BTAF1: variants seen among roughly 807,000 people sequenced by gnomAD.
BTAF1 encodes the protein TATA-binding protein-associated factor 172.
Under a neutral mutation model 227.1 loss-of-function variants are expected in BTAF1, and 38 were observed. That is an observed-to-expected ratio of 0.17 (90% CI 0.13 to 0.22). BTAF1 has a LOEUF of 0.22. BTAF1 is among the 10% of genes least tolerant of loss of function. The pLI is 1.00. For synonymous variants in BTAF1, 742 were observed against 751.9 expected, an observed-to-expected ratio of 0.99 and a Z score of 0.21; for missense variants, 1,598 against 2,204.0, an observed-to-expected ratio of 0.73 and a Z score of 5.51.
intron 33 of BTAF1, 35 bp downstream of exon 33, chr10:92,016,500 A>C (rs77363627): frequency 6.8e-7 from 1 of 1,467,910 alleles, no homozygotes; most frequent in South Asian, 1.4e-5. Context: ...TTTTTTTGAG[A>C]TGGAATTTCA....
chr10:92,024,735 T>TTTTTG (rs774391498), intron 34 of BTAF1, 21 bp from the exon 35 acceptor site: 556 of 1,563,228 alleles, frequency 3.6e-4, no homozygotes, highest in Admixed American at 4.5e-4. Context: ...TTATGTAGTT[T>TTTTTG]TTTTTTTTTT....
At chr10:91,968,106 G>A (rs1191019687) in intron 14 of BTAF1, among the ~76,000 whole-genome samples, 1 of 151,942 alleles carries the variant, frequency 6.6e-6, no homozygotes, top group Non-Finnish European at 1.5e-5. Context: ...TGTACATATT[G>A]TACATTTACA....
intron 14 of BTAF1, among the ~76,000 whole-genome samples, chr10:91,972,838 T>C (rs1285361508): frequency 6.6e-6 from 1 of 152,230 alleles, no homozygotes; most frequent in Admixed American, 6.5e-5. Flanking sequence ...TTATCCCACT[T>C]AATGTGCCTA....
At chr10:91,938,775 G>A (rs963703341) in intron 2 of BTAF1, among the ~76,000 whole-genome samples, 2 of 152,138 alleles carry the variant, frequency 1.3e-5, no homozygotes, top group Admixed American at 6.6e-5. Flanking sequence ...CTGAGGGCAG[G>A]AGTTTGAGGC....
intron 33 of BTAF1, among the ~76,000 whole-genome samples, chr10:92,017,047 A>G (rs542157422): frequency 1.3e-5 from 2 of 152,344 alleles, no homozygotes; most frequent in East Asian, 3.9e-4. Flanking sequence ...CACCTACTAC[A>G]TGGCAGTAAT....
At chr10:91,981,111 G>T (rs1419198426) in intron 15 of BTAF1, among the ~76,000 whole-genome samples, 1 of 152,062 alleles carries the variant, frequency 6.6e-6, no homozygotes, top group African/African-American at 2.4e-5. Context: ...AACAACCTTG[G>T]ATTAACAGTG....
Position 92,027,268 on chromosome 10 carries a change from G to T in BTAF1, c.5374G>T (p.Asp1792Tyr). The change falls in exon 37 of 38, where the codon GAT (aspartate) becomes TAT (tyrosine). Residue 1792 changes from aspartate (D) to tyrosine (Y), a missense_variant. Physicochemically the swap from Asp to Tyr is radical, Grantham distance 160. Coordinates refer to ENST00000265990, the MANE Select transcript of BTAF1 (RefSeq NM_003972.3). ...ENSSLQSMGT[D>Y]QLLDLFTLDK... Reference sequence around the variant, plus strand: ...TTCTAGTTTGCAGAGCATGGGGACTGATCAGCTTCTTGATCTGTTTACTCT... The same window carrying T: ...TTCTAGTTTGCAGAGCATGGGGACTTATCAGCTTCTTGATCTGTTTACTCT... 1 of 1,613,038 alleles carries T rather than the reference G, an allele frequency of 6.2e-7. No homozygotes were observed. The highest frequency in any genetic ancestry group is 1.1e-5 in the South Asian group (1 of 90,786).
chr10:91,953,703 A>G (rs111512773), intron 5 of BTAF1, 34 bp from the exon 6 acceptor site: 4 of 1,599,482 alleles, frequency 2.5e-6, no homozygotes, highest in African/African-American at 2.7e-5. Context: ...TTTAATTTCA[A>G]AAGTTCCAAC....
At chr10:91,949,465 G>A (rs1405725012) in intron 4 of BTAF1, among the ~76,000 whole-genome samples, 3 of 152,044 alleles carry the variant, frequency 2.0e-5, no homozygotes, top group East Asian at 1.9e-4. Flanking sequence ...CATTATGAAC[G>A]TTATGCGGTG....
chr10:91,942,652 C>A, intron 4 of BTAF1, 84 bp downstream of exon 4: 1 of 1,389,898 alleles, frequency 7.2e-7, no homozygotes, highest in South Asian at 1.4e-5. Flanking sequence ...ATTAGTCACA[C>A]GTAAACTAAC....
At chr10:91,960,587 G>GTTTT (rs369256520) in intron 11 of BTAF1, among the ~76,000 whole-genome samples, 2 of 140,310 alleles carry the variant, frequency 1.4e-5, no homozygotes, top group African/African-American at 5.2e-5. Flanking sequence ...AACTGTCAGT[G>GTTTT]TTTTTTTTTT....
intron 23 of BTAF1, 59 bp from the exon 24 acceptor site, chr10:91,996,310 G>A: frequency 6.7e-7 from 1 of 1,481,532 alleles, no homozygotes; most frequent in South Asian, 1.2e-5. Context: ...GGCTATTATA[G>A]TTACATATTA....
At chr10:92,016,853 A>C (rs1850775070) in intron 33 of BTAF1, among the ~76,000 whole-genome samples, 1 of 152,180 alleles carries the variant, frequency 6.6e-6, no homozygotes, top group Non-Finnish European at 1.5e-5. Context: ...GGATCTATGT[A>C]TATTTGTTTC....
intron 4 of BTAF1, among the ~76,000 whole-genome samples, chr10:91,946,248 A>G (rs529693195): frequency 1.3e-5 from 2 of 152,316 alleles, no homozygotes; most frequent in South Asian, 4.1e-4. Context: ...AATCCCAGCT[A>G]CTTGGGAGGC....
Position 92,026,663 on chromosome 10 carries a change from C to A in BTAF1, c.5147C>A (p.Thr1716Lys), listed in dbSNP as rs745643320. The part of the protein sequence containing the change: ...THVGGLGLNL[T>K]GADTVVFVEH... ...GTTGGTGGCCTGGGACTTAATTTGA[C>A]AGGCGCTGACACAGTAGTATTTGTG... Residue 1716 changes from threonine to lysine, a missense_variant, in exon 36 of 38, where the codon ACA becomes AAA. Physicochemically the swap from Thr to Lys is moderately conservative, Grantham distance 78. Around this residue, in one of 10 missense-constraint regions of BTAF1, gnomAD observed 205 missense variants for 244.5 expected, o/e 0.84. Coordinates refer to ENST00000265990, the MANE Select transcript of BTAF1 (RefSeq NM_003972.3). 1 of 1,613,960 alleles carries A rather than the reference C, an allele frequency of 6.2e-7. No individual in the cohort carries two copies. The highest frequency in any genetic ancestry group is 8.5e-7 in the Non-Finnish European group (1 of 1,179,938).
chr10:91,990,736 T>G (rs1174840581), intron 20 of BTAF1, among the ~76,000 whole-genome samples: 1 of 151,932 alleles, frequency 6.6e-6, no homozygotes, highest in Non-Finnish European at 1.5e-5. Context: ...GAGGTTGCGG[T>G]GAGCTGAGAT....
intron 25 of BTAF1, among the ~76,000 whole-genome samples, chr10:92,003,438 C>T (rs950822753): frequency 1.3e-5 from 2 of 152,172 alleles, no homozygotes; most frequent in Admixed American, 1.3e-4. Context: ...CTAGTAACCA[C>T]TATTCTACTC....
Position 91,962,621 on chromosome 10 carries a change from T to C in BTAF1, c.1347T>C (p.Val449=), listed in dbSNP as rs371011470. Reference sequence around the variant, plus strand: ...ATCTTGATGATGATGTCAGAGCTGTTGCTGCAGCATCATTAGTGCCTGTAG... The same window carrying C: ...ATCTTGATGATGATGTCAGAGCTGTCGCTGCAGCATCATTAGTGCCTGTAG... ...LQDLDDDVRA[V]AAASLVPVVE... Residue 449 remains valine, a synonymous_variant, in exon 12 of 38, where the codon GTT becomes GTC. Coordinates refer to ENST00000265990, the MANE Select transcript of BTAF1 (RefSeq NM_003972.3). 1.9e-6 allele frequency: 3 copies of C among 1,611,736 alleles called. No homozygotes were observed. In the African/African-American group the frequency reaches 4.0e-5, roughly 22 times the overall value.
At chr10:91,982,540 T>G in intron 17 of BTAF1, 47 bp from the exon 18 acceptor site, 1 of 1,536,152 alleles carries the variant, frequency 6.5e-7, no homozygotes, top group Non-Finnish European at 8.8e-7. Context: ...TGGGGAAACT[T>G]TACTTCAAGT....
Sources: gnomAD v4.1 joint callset for allele counts (sites outside exome capture counted in the v4.1 genomes callset) on GRCh38, gnomAD v4.1.1 for gene constraint, gnomAD v4.1.1 regional missense constraint, MANE v1.5 for transcripts, NCBI Gene and HGNC (gene_info 2026-07-23, HGNC 2026-07-21) for gene names.